Variants in NEBL observed in about 807,000 individuals in gnomAD.
The protein encoded by NEBL is LIM and SH3 protein 2.
A neutral mutation model predicts 140.2 loss-of-function variants in NEBL; 122 were observed. That is an observed-to-expected ratio of 0.87 (90% CI 0.75 to 1.01). The LOEUF (loss-of-function observed/expected upper bound fraction) is 1.01, where lower values mean the gene tolerates loss of function less well. NEBL is among the 50% of genes least tolerant of loss of function. The pLI is 0.00. For missense variants in NEBL, 1,365 were observed against 1,231.3 expected (o/e 1.11, Z -1.62); for synonymous variants, 436 against 398.9 (o/e 1.09, Z -1.11).
chr10:20,991,670 T>C (rs1286905246), intron 3 of NEBL, among the ~76,000 whole-genome samples: 2 of 152,118 alleles, frequency 1.3e-5, no homozygotes, highest in African/African-American at 4.8e-5. Flanking sequence ...CATGGGTATG[T>C]TTCATGATGC....
chr10:20,840,696 G>A (rs1192866750), intron 13 of NEBL, 43 bp downstream of exon 13: 1 of 1,315,374 alleles, frequency 7.6e-7, no homozygotes, highest in Admixed American at 1.7e-5. Flanking sequence ...AAGAAAGTCA[G>A]CTAAAAACAT....
At chr10:20,804,503 C>A (rs1689401414) in intron 26 of NEBL, 1 of 152,152 alleles carries the variant, frequency 6.6e-6, no homozygotes, top group African/African-American at 2.4e-5. Flanking sequence ...AGAAACTAAC[C>A]AAGCACCGTT....
chr10:21,286,636 T>G (rs895361654), intron 1 of NEBL, among the ~76,000 whole-genome samples: 2 of 152,044 alleles, frequency 1.3e-5, no homozygotes, highest in African/African-American at 2.4e-5. Flanking sequence ...ATCGAGACCA[T>G]CCTGGCTAAC....
intron 1 of NEBL, among the ~76,000 whole-genome samples, chr10:21,268,109 G>C (rs1330201688): frequency 6.6e-6 from 1 of 152,118 alleles, no homozygotes; most frequent in Non-Finnish European, 1.5e-5. Flanking sequence ...GTCAGTCCTG[G>C]TGTTTGAAAT....
chr10:20,888,860 G>A (rs1015548234), intron 3 of NEBL, among the ~76,000 whole-genome samples: 3 of 152,210 alleles, frequency 2.0e-5, no homozygotes, highest in African/African-American at 7.2e-5. Flanking sequence ...ATCTGCACGG[G>A]AGAATGGAAC....
chr10:21,097,398 G>A (rs907419429), intron 2 of NEBL, among the ~76,000 whole-genome samples: 16 of 152,102 alleles, frequency 1.1e-4, no homozygotes, highest in Non-Finnish European at 1.9e-4. Context: ...GGTGGAGGTT[G>A]CAGTGAGCCG....
chr10:21,239,049 G>A (rs2132262120), intron 3 of NEBL, among the ~76,000 whole-genome samples: 1 of 152,198 alleles, frequency 6.6e-6, no homozygotes, highest in African/African-American at 2.4e-5. Flanking sequence ...AATTAAAACT[G>A]CACTAGAAAT....
chr10:21,039,051 G>A (rs1313690158), intron 2 of NEBL, among the ~76,000 whole-genome samples: 4 of 133,170 alleles, frequency 3.0e-5, no homozygotes, highest in Admixed American at 1.5e-4. Flanking sequence ...TCCACTTTTT[G>A]ATGGGGCTGT....
At chr10:20,940,759 C>T (rs1834808880) in intron 4 of NEBL, among the ~76,000 whole-genome samples, 2 of 151,450 alleles carry the variant, frequency 1.3e-5, no homozygotes, top group East Asian at 1.9e-4. Context: ...GGGATATCAC[C>T]ACCAATCCCA....
intron 26 of NEBL, among the ~76,000 whole-genome samples, chr10:20,799,924 C>CGTGTGTGTGT (rs145863273): frequency 6.7e-6 from 1 of 149,402 alleles, no homozygotes; most frequent in Non-Finnish European, 1.5e-5. Context: ...CCATCTGGCA[C>CGTGTGTGTGT]GTGTGTGTGT....
intron 3 of NEBL, among the ~76,000 whole-genome samples, chr10:20,975,520 T>C (rs1836754628): frequency 1.3e-5 from 2 of 152,216 alleles, no homozygotes; most frequent in African/African-American, 2.4e-5. Context: ...AGAGCTATTA[T>C]AGGGATTGTG....
intron 2 of NEBL, among the ~76,000 whole-genome samples, chr10:20,892,998 G>T (rs537736355): frequency 3.8e-4 from 58 of 152,176 alleles, no homozygotes; most frequent in Non-Finnish European, 5.7e-4. Flanking sequence ...AGTAACCACA[G>T]AATTTAATGT....
chr10:21,169,199 T>C (rs1016264310), intron 2 of NEBL, among the ~76,000 whole-genome samples: 7 of 148,758 alleles, frequency 4.7e-5, no homozygotes, highest in African/African-American at 1.7e-4. Context: ...GAGATGTTCC[T>C]TGTATTATTC....
chr10:21,034,161 T>A (rs1383518379), intron 2 of NEBL, among the ~76,000 whole-genome samples: 1 of 102,592 alleles, frequency 9.7e-6, no homozygotes, highest in African/African-American at 4.3e-5. Flanking sequence ...AGCAAGACCC[T>A]ATCTCGAAAA....
rs1433566562 is a variant in NEBL, at chr10:20,897,261, C to T, written c.-56G>A. 2.0e-6 allele frequency: 3 copies of T among 1,528,924 alleles called. No individual in the cohort carries two copies. The highest frequency in any genetic ancestry group is 2.6e-6 in the Non-Finnish European group (3 of 1,143,542). 94.7% of individuals were successfully genotyped at this position (1,528,924 alleles called of 1,614,324 possible). A position where few individuals can be genotyped will look rare whatever the true frequency, so the allele number is the denominator to read the frequency against. On this transcript the variant is annotated 5_prime_UTR_variant, in exon 1 of 28. The change abolishes an upstream ATG in the 5' untranslated region. Transcript: ENST00000377122. ...AATTTACTCATGTGGCGTCCTTTTC[C>T]ATACCACAGTGCCCTTGAGATGCTG...
intron 5 of NEBL, 108 bp from the exon 6 acceptor site, chr10:20,869,949 G>A: frequency 2.5e-6 from 2 of 807,784 alleles, no homozygotes; most frequent in South Asian, 2.9e-5. Context: ...AGCTTAGAGA[G>A]CCTACTGACC....
intron 2 of NEBL, among the ~76,000 whole-genome samples, chr10:21,072,452 T>C (rs1224443001): frequency 6.6e-6 from 1 of 152,176 alleles, no homozygotes; most frequent in Admixed American, 6.5e-5. Flanking sequence ...AGCCACTACA[T>C]GAGAGGTGCC....
chr10:20,924,525 A>T (rs934805960), intron 4 of NEBL, among the ~76,000 whole-genome samples: 2 of 24,634 alleles, frequency 8.1e-5, no homozygotes, highest in East Asian at 4.1e-4. Flanking sequence ...ATCTTGTATA[A>T]AAAAAAAAAA....
At chr10:21,073,231 G>C (rs1835897731) in intron 2 of NEBL, among the ~76,000 whole-genome samples, 1 of 152,082 alleles carries the variant, frequency 6.6e-6, no homozygotes, top group Non-Finnish European at 1.5e-5. Context: ...GCTGAAGCAG[G>C]GGGATCGGTT....
Sources: gnomAD v4.1 joint callset for allele counts (sites outside exome capture counted in the v4.1 genomes callset) on GRCh38, gnomAD v4.1.1 for gene constraint, MANE v1.5 for transcripts, NCBI Gene and HGNC (gene_info 2026-07-23, HGNC 2026-07-21) for gene names.